TSC22D2: variants seen among roughly 807,000 people sequenced by gnomAD.
TSC22D2 encodes the protein TSC22 domain family member 2.
TSC22D2 carries 5 observed loss-of-function variants against 50.1 expected under a neutral mutation model. That is an observed-to-expected ratio of 0.10 (90% confidence interval 0.05 to 0.21). The LOEUF (loss-of-function observed/expected upper bound fraction) is 0.21. Among genes scored for constraint, TSC22D2 ranks in the 10% least tolerant of loss-of-function variants. The probability of loss-of-function intolerance (pLI) is 1.00; values close to 1 mark genes in which losing one functional copy is unlikely to be tolerated. For missense variants in TSC22D2, 1,003 were observed against 1,015.5 expected (o/e 0.99, Z 0.17); for synonymous variants, 501 against 450.1 (o/e 1.11, Z -1.43).
intron 1 of TSC22D2, among the ~76,000 whole-genome samples, chr3:150,415,789 T>G (rs1425170582): frequency 6.6e-6 from 1 of 152,156 alleles, no homozygotes; most frequent in Non-Finnish European, 1.5e-5. Context: ...CACTGAAGCC[T>G]GGGCCACACA....
Position 150,429,803 on chromosome 3 carries a change from A to G in TSC22D2, c.1958+18495A>G, listed in dbSNP as rs183212967. Among the ~76,000 whole-genome samples the G allele has an allele frequency of 6.6e-5, 10 of 152,256 alleles. No individual in the cohort carries two copies. The East Asian group carries it at 1.4e-3, about 21-fold the overall frequency. On this transcript the variant is annotated intron_variant, in intron 1 of 2. Coordinates refer to ENST00000688009, the MANE Select transcript of TSC22D2 (RefSeq NM_001303264.2). ...CTTTAACAATACGTGTTTGTCCCCAATTATAGTTACTTGCTATTTAAGGCA... is the reference window on the plus strand; with the variant it reads ...CTTTAACAATACGTGTTTGTCCCCAGTTATAGTTACTTGCTATTTAAGGCA...
Position 150,410,127 on chromosome 3 carries a change from C to G in TSC22D2, c.777C>G (p.Ser259Arg), listed in dbSNP as rs375080879. ...AGCTACCCCCGTCGGAGAAAATGAGCCAGCCCACTCCGGCCCAGCCGCAGA... is the reference window on the plus strand; with the variant it reads ...AGCTACCCCCGTCGGAGAAAATGAGGCAGCCCACTCCGGCCCAGCCGCAGA... ...VSQLPPSEKM[S>R]QPTPAQPQSF... The change falls in exon 1 of 3, where the codon AGC (serine) becomes AGG (arginine). Residue 259 changes from serine to arginine, a missense_variant. Coordinates refer to ENST00000688009, the MANE Select transcript of TSC22D2 (RefSeq NM_001303264.2). 130 of 1,612,466 alleles carry G rather than the reference C, an allele frequency of 8.1e-5. No individual in the cohort carries two copies. The Middle Eastern group carries it at 1.2e-3, about 14-fold the overall frequency.
chr3:150,450,656 G>A (rs1721011820), intron 1 of TSC22D2, among the ~76,000 whole-genome samples: 1 of 152,024 alleles, frequency 6.6e-6, no homozygotes, highest in African/African-American at 2.4e-5. Flanking sequence ...CTTTTGAAAG[G>A]AAAATTGTTA....
intron 1 of TSC22D2, among the ~76,000 whole-genome samples, chr3:150,454,473 T>C (rs1369441065): frequency 6.6e-6 from 1 of 152,196 alleles, no homozygotes; most frequent in African/African-American, 2.4e-5. Context: ...ATAACTTTCA[T>C]TTGTAAGCCA....
In TSC22D2 at chr3:150,409,278, G is replaced by A. The variant is rs1440193670; in HGVS notation, c.-73G>A. On this transcript the variant is annotated 5_prime_UTR_variant, in exon 1 of 3. Coordinates refer to ENST00000688009, the MANE Select transcript of TSC22D2 (RefSeq NM_001303264.2). The surrounding 1 kb of genome is among the most constrained non-coding windows in gnomAD (Gnocchi z 7.4). ...TCGGACTTTGTCTTTGGGGGCCCGT[G>A]CTCTGCCCTCCCCGGTTTCCGACAG... 2.0e-5 allele frequency: 30 copies of A among 1,496,878 alleles called. No homozygotes were observed. Among genetic ancestry groups the A allele is most frequent in the Non-Finnish European group, 2.7e-5 (30 of 1,116,294 alleles). The allele number at this position is 1,496,878 out of a possible 1,614,324, so 92.7% of individuals were successfully genotyped here.
chr3:150,423,195 C>A, intron 1 of TSC22D2: 2 of 1,071,802 alleles, frequency 1.9e-6, no homozygotes, highest in South Asian at 1.7e-5. Flanking sequence ...ACTGGTTTCT[C>A]ATTAAAACTG....
At position 150,446,168 on chromosome 3, in the gene TSC22D2, T is replaced by C. The variant is rs553049142; in HGVS notation, c.1959-10908T>C. 1.2e-4 allele frequency among the ~76,000 whole-genome samples: 18 copies of C among 152,102 alleles called. 1 individual carries two copies. In the South Asian group the frequency reaches 2.1e-3, roughly 18 times the overall value. On this transcript the variant is annotated intron_variant, in intron 1 of 2. Transcript: ENST00000688009. ...TTTTAAGCCATTTTATTATTCTGTG[T>C]GAATTCAACTTTTTGCTTAGACAAC...
chr3:150,456,282 G>A (rs1197002872), intron 1 of TSC22D2, among the ~76,000 whole-genome samples: 1 of 151,350 alleles, frequency 6.6e-6, no homozygotes, highest in Non-Finnish European at 1.5e-5. Flanking sequence ...CTGCCTCCTG[G>A]GTTCAAGTGA....
In TSC22D2 at chr3:150,411,141, A is replaced by G; in HGVS notation, c.1791A>G (p.Lys597=). 6.2e-7 allele frequency: 1 copy of G among 1,614,178 alleles called. No homozygotes were observed. The highest frequency in any genetic ancestry group is 8.5e-7 in the Non-Finnish European group (1 of 1,180,032). Residue 597 remains lysine, a synonymous_variant, in exon 1 of 3, where the codon AAA becomes AAG. Transcript: ENST00000688009. ...LVGQVDDTRR[K]SEPLPQPPLS... ...GGCAAGTCGACGATACTAGAAGAAA[A>G]TCAGAACCCCTACCTCAACCACCAC...
At chr3:150,421,656 T>G (rs1415313071) in intron 1 of TSC22D2, among the ~76,000 whole-genome samples, 2 of 152,278 alleles carry the variant, frequency 1.3e-5, no homozygotes, top group East Asian at 3.9e-4. Flanking sequence ...ACAGTTACTT[T>G]GGTGATTCTC....
At chr3:150,419,197 T>C (rs997029701) in intron 1 of TSC22D2, among the ~76,000 whole-genome samples, 1 of 152,230 alleles carries the variant, frequency 6.6e-6, no homozygotes, top group Admixed American at 6.5e-5. Context: ...CCCTTTCTTA[T>C]GGATTAAGGA....
intron 2 of TSC22D2, among the ~76,000 whole-genome samples, 181 bp downstream of exon 2, chr3:150,457,308 A>G (rs1209875139): frequency 6.6e-6 from 1 of 152,158 alleles, no homozygotes; most frequent in Non-Finnish European, 1.5e-5. Flanking sequence ...TAGAAATACT[A>G]TTTAAGTAGA....
chr3:150,410,629 A>G lies in TSC22D2; in HGVS notation c.1279A>G (p.Met427Val), dbSNP rs984860065. Reference sequence around the variant, plus strand: ...TGCTTCCTCGGTGGGCGCGCAGCTCATGGGCGCGTCTTCCCAGCCCAGCGA... The same window carrying G: ...TGCTTCCTCGGTGGGCGCGCAGCTCGTGGGCGCGTCTTCCCAGCCCAGCGA... Reference protein sequence around the residue: ...QNASSVGAQLMGASSQPSEAM... With the variant: ...QNASSVGAQLVGASSQPSEAM... Residue 427 changes from methionine (M) to valine (V), a missense_variant, in exon 1 of 3, where the codon ATG becomes GTG. Coordinates refer to ENST00000688009, the MANE Select transcript of TSC22D2 (RefSeq NM_001303264.2). 3 of 1,553,778 alleles carry G rather than the reference A, an allele frequency of 1.9e-6. No individual in the cohort carries two copies. Among genetic ancestry groups the G allele is most frequent in the Non-Finnish European group, 2.6e-6 (3 of 1,151,936 alleles).
At chr3:150,426,552 C>T (rs867674080) in intron 1 of TSC22D2, among the ~76,000 whole-genome samples, 4 of 152,264 alleles carry the variant, frequency 2.6e-5, no homozygotes, top group Non-Finnish European at 4.4e-5. Flanking sequence ...GGGGAAGAAA[C>T]TTCAGCTAGA....
rs530600554 is a variant in TSC22D2 at position 150,462,524 on chromosome 3, G to A, written c.*3888G>A. 2 of 152,158 alleles carry A rather than the reference G, an allele frequency of 1.3e-5. No individual in the cohort carries two copies. Among genetic ancestry groups the A allele is most frequent in the East Asian group, 3.9e-4 (2 of 5,180 alleles). The allele number at this position is 152,158 out of a possible 1,614,324, so 9.4% of individuals were successfully genotyped here. ...AGGGCAAAATTACATAGGCAATTTT[G>A]TGAAGGTCATGAAGGAAGTTTGTCT... On this transcript the variant is annotated 3_prime_UTR_variant, in exon 3 of 3. Transcript: ENST00000688009.
chr3:150,424,305 A>G (rs1309318979), intron 1 of TSC22D2, among the ~76,000 whole-genome samples: 1 of 152,198 alleles, frequency 6.6e-6, no homozygotes, highest in East Asian at 1.9e-4. Flanking sequence ...ATAGTTTTCC[A>G]AATGTAGCCA....
chr3:150,412,852 A>G (rs1379178066), intron 1 of TSC22D2, among the ~76,000 whole-genome samples: 2 of 152,192 alleles, frequency 1.3e-5, no homozygotes, highest in African/African-American at 4.8e-5. Flanking sequence ...GTAATAATCA[A>G]CAGGCATCTT....
At chr3:150,438,145 G>C (rs1720609702) in intron 1 of TSC22D2, 2 of 321,928 alleles carry the variant, frequency 6.2e-6, no homozygotes, top group Admixed American at 2.9e-5. Context: ...TGCTATAAAA[G>C]ATTTTTAAAG....
chr3:150,413,744 G>C (rs1413265934), intron 1 of TSC22D2, among the ~76,000 whole-genome samples: 1 of 151,934 alleles, frequency 6.6e-6, no homozygotes, highest in African/African-American at 2.4e-5. Flanking sequence ...TTGGGTTGCC[G>C]CCTTAAAATC....
Sources: gnomAD v4.1 joint callset for allele counts (sites outside exome capture counted in the v4.1 genomes callset) on GRCh38, gnomAD v4.1.1 for gene constraint, Gnocchi (gnomAD v3.1) non-coding constraint, MANE v1.5 for transcripts, NCBI Gene and HGNC (gene_info 2026-07-23, HGNC 2026-07-21) for gene names.